Variants in SGCZ observed in about 807,000 individuals in gnomAD.
SGCZ encodes sarcoglycan zeta, also known as zeta-sarcoglycan.
A neutral mutation model predicts 41.3 loss-of-function variants in SGCZ; 40 were observed. The observed-to-expected ratio is 0.97, with a 90% confidence interval of 0.75 to 1.26. The LOEUF is 1.26. Among genes scored for constraint, SGCZ ranks in the 50% most tolerant of loss-of-function variants. SGCZ has a pLI of 0.00. For synonymous variants in SGCZ, 206 were observed against 137.5 expected (o/e 1.50, Z -3.49); for missense variants, 552 against 369.8 (o/e 1.49, Z -4.04).
chr8:14,214,894 AAAT>A (rs1224331036), intron 4 of SGCZ, among the ~76,000 whole-genome samples: 1 of 152,194 alleles, frequency 6.6e-6, no homozygotes, highest in African/African-American at 2.4e-5. Flanking sequence ...TGAGGAGAAA[AAAT>A]GGATAAATCC....
intron 2 of SGCZ, among the ~76,000 whole-genome samples, chr8:14,511,857 G>A (rs1802477405): frequency 6.6e-6 from 1 of 152,022 alleles, no homozygotes; most frequent in African/African-American, 2.4e-5. Context: ...AAAGGACAGG[G>A]TATCCCTTGA....
chr8:15,105,274 T>C (rs1220006809), intron 1 of SGCZ, among the ~76,000 whole-genome samples: 1 of 152,164 alleles, frequency 6.6e-6, no homozygotes. Flanking sequence ...TTTTCGACCT[T>C]GTCCATGATT....
At chr8:14,583,690 G>A (rs954892499) in intron 1 of SGCZ, among the ~76,000 whole-genome samples, 4 of 152,046 alleles carry the variant, frequency 2.6e-5, no homozygotes, top group South Asian at 2.1e-4. Flanking sequence ...AAAAATTCGA[G>A]TAGAGATGAA....
At chr8:14,922,968 C>G (rs1799636008) in intron 1 of SGCZ, among the ~76,000 whole-genome samples, 1 of 152,198 alleles carries the variant, frequency 6.6e-6, no homozygotes, top group African/African-American at 2.4e-5. Context: ...TTAGCATTGA[C>G]TGCAGTACTT....
At chr8:14,551,109 T>C (rs1803794765) in intron 2 of SGCZ, among the ~76,000 whole-genome samples, 1 of 146,396 alleles carries the variant, frequency 6.8e-6, no homozygotes, top group Admixed American at 6.9e-5. Flanking sequence ...TTATTTATAT[T>C]GTAATTCTTT....
chr8:14,180,225 G>C (rs1804676739), intron 4 of SGCZ, among the ~76,000 whole-genome samples: 1 of 152,152 alleles, frequency 6.6e-6, no homozygotes, highest in Non-Finnish European at 1.5e-5. Flanking sequence ...GCGAGTTGAA[G>C]GCCTCCTAGC....
intron 1 of SGCZ, among the ~76,000 whole-genome samples, chr8:15,074,976 A>T (rs1805478000): frequency 6.6e-6 from 1 of 152,154 alleles, no homozygotes; most frequent in African/African-American, 2.4e-5. Context: ...ATTCAAGAGC[A>T]TGAATTGTAT....
At position 14,593,312 on chromosome 8, in the gene SGCZ, T is replaced by C. The variant is rs576590993; in HGVS notation, c.40-38386A>G. On this transcript the variant is annotated intron_variant, in intron 1 of 7. Coordinates refer to ENST00000382080, the MANE Select transcript of SGCZ (RefSeq NM_139167.4). ...TGGAGGGATTTGAGGAAAAGGCTAC[T>C]AACCAAGAAATGTAGGCTGACTTTA... Among the ~76,000 whole-genome samples the C allele has an allele frequency of 4.6e-5, 7 of 152,304 alleles. No homozygotes were observed. The East Asian group carries it at 9.6e-4, about 21-fold the overall frequency.
intron 4 of SGCZ, among the ~76,000 whole-genome samples, chr8:14,230,292 C>T (rs531115354): frequency 7.9e-5 from 12 of 152,202 alleles, no homozygotes; most frequent in African/African-American, 2.9e-4. Flanking sequence ...GAGACTTGGT[C>T]ATGTGTATAG....
chr8:14,980,939 T>A (rs1207299434), intron 1 of SGCZ, among the ~76,000 whole-genome samples: 1 of 152,138 alleles, frequency 6.6e-6, no homozygotes, highest in Non-Finnish European at 1.5e-5. Flanking sequence ...TACCACCTAC[T>A]CCCCACCATG....
In SGCZ at chr8:14,432,704, G is replaced by A. The variant is rs562976505; in HGVS notation, c.235-108500C>T. On this transcript the variant is annotated intron_variant, in intron 2 of 7. Coordinates refer to ENST00000382080, the MANE Select transcript of SGCZ (RefSeq NM_139167.4). ...TGAGGCGGGCCGATCACCTGAGGTC[G>A]GGAGTTCGAGACCAGCCTGGCCAAC... Among the ~76,000 whole-genome samples the A allele has an allele frequency of 4.6e-5, 7 of 151,978 alleles. No individual in the cohort carries two copies. The East Asian group carries it at 9.7e-4, about 21-fold the overall frequency.
intron 2 of SGCZ, among the ~76,000 whole-genome samples, chr8:14,379,782 A>G (rs1454342869): frequency 1.3e-5 from 2 of 152,090 alleles, no homozygotes; most frequent in Non-Finnish European, 2.9e-5. Flanking sequence ...CCCAGGCTGG[A>G]GTACAGTGGC....
At chr8:15,145,291 C>T (rs983240663) in intron 1 of SGCZ, among the ~76,000 whole-genome samples, 5 of 152,172 alleles carry the variant, frequency 3.3e-5, no homozygotes, top group African/African-American at 1.2e-4. Flanking sequence ...GTCACCAAAA[C>T]TAAAATATTA....
chr8:14,550,743 T>C (rs528663165), intron 2 of SGCZ, among the ~76,000 whole-genome samples: 3 of 152,156 alleles, frequency 2.0e-5, no homozygotes, highest in African/African-American at 7.2e-5. Context: ...CAACTCAAGA[T>C]GGCCCTTTAG....
At chr8:14,629,647 T>C (rs1356440493) in intron 1 of SGCZ, among the ~76,000 whole-genome samples, 3 of 152,118 alleles carry the variant, frequency 2.0e-5, no homozygotes, top group Non-Finnish European at 2.9e-5. Flanking sequence ...GGCAAACACA[T>C]CCATGGTATT....
At chr8:14,492,473 A>G (rs1016302802) in intron 2 of SGCZ, among the ~76,000 whole-genome samples, 2 of 152,190 alleles carry the variant, frequency 1.3e-5, no homozygotes, top group African/African-American at 4.8e-5. Flanking sequence ...ATTTTATACT[A>G]TTTCCTGTTT....
At chr8:15,002,436 C>T (rs1244189471) in intron 1 of SGCZ, among the ~76,000 whole-genome samples, 2 of 151,948 alleles carry the variant, frequency 1.3e-5, no homozygotes, top group African/African-American at 4.8e-5. Context: ...CTTCTTAATC[C>T]TATATAAAGG....
chr8:14,760,752 T>A (rs1799841794), intron 1 of SGCZ, among the ~76,000 whole-genome samples: 1 of 152,344 alleles, frequency 6.6e-6, no homozygotes, highest in African/African-American at 2.4e-5. Flanking sequence ...TTCAGTCTAT[T>A]TCTTCACAGA....
At chr8:15,003,909 C>A (rs924087867) in intron 1 of SGCZ, among the ~76,000 whole-genome samples, 2 of 152,058 alleles carry the variant, frequency 1.3e-5, no homozygotes, top group African/African-American at 4.8e-5. Flanking sequence ...TTTACAACAA[C>A]GCAGTTAATA....
Sources: gnomAD v4.1 joint callset for allele counts (sites outside exome capture counted in the v4.1 genomes callset) on GRCh38, gnomAD v4.1.1 for gene constraint, MANE v1.5 for transcripts, NCBI Gene and HGNC (gene_info 2026-07-23, HGNC 2026-07-21) for gene names.